CAB39: variants seen among roughly 807,000 people sequenced by gnomAD.
CAB39 encodes calcium binding protein 39.
Under a neutral mutation model 40.0 loss-of-function variants are expected in CAB39, and 8 were observed. The observed-to-expected ratio is 0.20, with a 90% CI of 0.12 to 0.36. CAB39 has a LOEUF of 0.36. Among genes scored for constraint, CAB39 ranks in the 10% least tolerant of loss-of-function variants. CAB39 has a pLI of 1.00. For synonymous variants in CAB39, 156 were observed against 141.6 expected (o/e 1.10, Z -0.72); for missense variants, 270 against 401.1 (o/e 0.67, Z 2.79).
intron 1 of CAB39, among the ~76,000 whole-genome samples, chr2:230,735,129 G>A (rs1694763731): frequency 6.6e-6 from 1 of 152,054 alleles, no homozygotes; most frequent in Non-Finnish European, 1.5e-5. Flanking sequence ...GTAGAATGTG[G>A]AATCGCAGTT....
chr2:230,774,961 G>T (rs182670708), intron 2 of CAB39, among the ~76,000 whole-genome samples: 4 of 152,238 alleles, frequency 2.6e-5, no homozygotes, highest in African/African-American at 7.2e-5. Context: ...AACAGTATCT[G>T]TCAGTTCACT....
At chr2:230,795,182 A>G (rs1193540844) in intron 4 of CAB39, among the ~76,000 whole-genome samples, 1 of 152,030 alleles carries the variant, frequency 6.6e-6, no homozygotes, top group African/African-American at 2.4e-5. Context: ...AGGCTGAGGC[A>G]CAAGAATAGC....
chr2:230,751,574 C>T (rs1322068737), intron 1 of CAB39, among the ~76,000 whole-genome samples: 1 of 152,176 alleles, frequency 6.6e-6, no homozygotes, highest in Non-Finnish European at 1.5e-5. Flanking sequence ...ACCTAACAGG[C>T]TTAACTTAAA....
intron 1 of CAB39, among the ~76,000 whole-genome samples, chr2:230,747,452 G>A (rs1694995634): frequency 6.6e-6 from 1 of 152,238 alleles, no homozygotes; most frequent in African/African-American, 2.4e-5. Flanking sequence ...AACAAGGTGA[G>A]TTTAATTGAA....
intron 1 of CAB39, among the ~76,000 whole-genome samples, chr2:230,728,118 A>C (rs1240753222): frequency 2.6e-5 from 4 of 152,174 alleles, no homozygotes; most frequent in Non-Finnish European, 5.9e-5. Flanking sequence ...GCACGCCTGT[A>C]GTCCCAGCTA....
chr2:230,744,150 C>T (rs1694932220), intron 1 of CAB39, among the ~76,000 whole-genome samples: 1 of 152,084 alleles, frequency 6.6e-6, no homozygotes, highest in African/African-American at 2.4e-5. Context: ...AACTCCTGAC[C>T]TCAAGTGATC....
chr2:230,749,502 G>T (rs1238127882), intron 1 of CAB39, among the ~76,000 whole-genome samples: 2 of 152,104 alleles, frequency 1.3e-5, no homozygotes, highest in African/African-American at 4.8e-5. Context: ...ATCAATTCAT[G>T]TTCTCACTAC....
intron 2 of CAB39, among the ~76,000 whole-genome samples, chr2:230,773,294 A>ATG (rs35804272): frequency 0.11 from 13,900 of 131,626 alleles, 774 homozygotes; most frequent in African/African-American, 0.17. Context: ...TCATGGGTGT[A>ATG]TGTGTATATA....
intron 5 of CAB39, among the ~76,000 whole-genome samples, chr2:230,808,064 T>C (rs528289941): frequency 0.013 from 2,039 of 151,888 alleles, 30 homozygotes; most frequent in Non-Finnish European, 0.019. Flanking sequence ...TTCTTTTCTT[T>C]TCTTTTCTTT....
intron 2 of CAB39, among the ~76,000 whole-genome samples, chr2:230,784,925 T>C (rs1465885312): frequency 6.6e-6 from 1 of 152,176 alleles, no homozygotes; most frequent in Non-Finnish European, 1.5e-5. Flanking sequence ...ACCTCACATT[T>C]TACACTTTAT....
intron 2 of CAB39, among the ~76,000 whole-genome samples, chr2:230,763,542 G>A (rs772884922): frequency 3.1e-4 from 47 of 151,620 alleles, no homozygotes; most frequent in Admixed American, 5.2e-4. Context: ...GCAGTGAGCC[G>A]AGATGGTGCC....
chr2:230,716,772 T>C (rs1575894131), intron 1 of CAB39, among the ~76,000 whole-genome samples: 1 of 152,216 alleles, frequency 6.6e-6, no homozygotes, highest in Non-Finnish European at 1.5e-5. Flanking sequence ...GAGGCCAAGG[T>C]GGGAGGATTG....
intron 7 of CAB39, among the ~76,000 whole-genome samples, chr2:230,816,682 CCTCA>C (rs976966227): frequency 2.0e-5 from 3 of 152,204 alleles, no homozygotes; most frequent in African/African-American, 4.8e-5. Flanking sequence ...TTCCCTTAGC[CCTCA>C]CTCACTCACA....
intron 7 of CAB39, 114 bp from the exon 8 acceptor site, chr2:230,817,640 T>C (rs770442873): frequency 2.9e-4 from 225 of 771,092 alleles, no homozygotes; most frequent in Non-Finnish European, 7.7e-5. Flanking sequence ...TTCTTCGGTC[T>C]TTTGAGTGCC....
At chr2:230,785,575 G>A (rs1049662880) in intron 2 of CAB39, among the ~76,000 whole-genome samples, 2 of 152,162 alleles carry the variant, frequency 1.3e-5, no homozygotes, top group African/African-American at 4.8e-5. Context: ...TCCAAAAGCA[G>A]ATGAGGATTA....
intron 2 of CAB39, among the ~76,000 whole-genome samples, chr2:230,764,076 C>A (rs1279004837): frequency 1.3e-5 from 2 of 151,832 alleles, no homozygotes; most frequent in Non-Finnish European, 1.5e-5. Context: ...GAGCCAAGAT[C>A]GTGCCTCTGT....
In CAB39 at chr2:230,791,018, A is replaced by G. The variant is rs768838257; in HGVS notation, c.261A>G (p.Leu87=). 6.3e-7 allele frequency: 1 copy of G among 1,592,760 alleles called. No homozygotes were observed. Among genetic ancestry groups the G allele is most frequent in the South Asian group, 1.2e-5 (1 of 86,476 alleles). Residue 87 remains leucine, a synonymous_variant, in exon 3 of 9, where the codon TTA becomes TTG. Coordinates refer to ENST00000258418, the MANE Select transcript of CAB39 (RefSeq NM_016289.4). ...SGLLSTLVAD[L]QLIDFEGKKD... ...TCCTTAGCACCCTGGTAGCTGATTT[A>G]CAGCTCATTGACTTTGAGGTAAGAA...
chr2:230,743,323 A>G (rs1353165338), intron 1 of CAB39, among the ~76,000 whole-genome samples: 1 of 152,232 alleles, frequency 6.6e-6, no homozygotes, highest in African/African-American at 2.4e-5. Context: ...CTCATTAAAA[A>G]TAAGACCCCC....
chr2:230,762,319 A>T lies in CAB39; in HGVS notation c.114+2204A>T, dbSNP rs142288852. 4.2e-3 allele frequency among the ~76,000 whole-genome samples: 638 copies of T among 152,326 alleles called. 1 individual carries two copies. The highest frequency in any genetic ancestry group is 0.014 in the African/African-American group (585 of 41,576). On this transcript the variant is annotated intron_variant, in intron 2 of 8. Transcript: ENST00000258418. ...CAGAAACTAGAAACAAAGTGACCTC[A>T]AGAAGTTAGAGGGGACTTTTGACTG... is the stretch of plus-strand genomic sequence containing the variant.
Sources: allele counts gnomAD v4.1 joint callset (sites outside exome capture counted in the v4.1 genomes callset), GRCh38; gene constraint gnomAD v4.1.1; transcripts MANE v1.5; gene names NCBI Gene and HGNC (gene_info 2026-07-23, HGNC 2026-07-21).